Variants in MFAP3L observed in about 807,000 individuals in gnomAD.
MFAP3L encodes the protein microfibrillar-associated protein 3-like.
A neutral mutation model predicts 20.0 loss-of-function variants in MFAP3L; 5 were observed. That is an observed-to-expected ratio of 0.25 (90% CI 0.13 to 0.53). The LOEUF is 0.53. Among genes scored for constraint, MFAP3L ranks in the 20% least tolerant of loss-of-function variants. The pLI, the probability that MFAP3L is intolerant of heterozygous loss-of-function variation, is 0.96. For synonymous variants in MFAP3L, 219 were observed against 213.0 expected, an observed-to-expected ratio of 1.03 and a Z score of -0.25; for missense variants, 409 against 527.5, an observed-to-expected ratio of 0.78 and a Z score of 2.20.
At position 169,986,722 on chromosome 4, in the gene MFAP3L, A is replaced by T. The variant is rs1167356041; in HGVS notation, c.*4656T>A. Reference sequence around the variant, plus strand: ...GTAACTTGTTTACAACTTTATTTTTAAAAGTGAACATTTTACAGTTCACAG... The same window carrying T: ...GTAACTTGTTTACAACTTTATTTTTTAAAGTGAACATTTTACAGTTCACAG... On this transcript the variant is annotated 3_prime_UTR_variant, in exon 3 of 3. Coordinates refer to ENST00000361618, the MANE Select transcript of MFAP3L (RefSeq NM_021647.8). 1 of 152,222 alleles carries T rather than the reference A, an allele frequency of 6.6e-6. No homozygotes were observed. The highest frequency in any genetic ancestry group is 1.5e-5 in the Non-Finnish European group (1 of 68,024). 9.4% of individuals were successfully genotyped at this position (152,222 alleles called of 1,614,324 possible). A position where few individuals can be genotyped will look rare whatever the true frequency, so the allele number is the denominator to read the frequency against.
At chr4:170,025,662 C>A (rs778940245) in intron 1 of MFAP3L, among the ~76,000 whole-genome samples, 17 of 152,180 alleles carry the variant, frequency 1.1e-4, no homozygotes, top group Non-Finnish European at 1.9e-4. Context: ...AATTCGATGT[C>A]AACTTGTTAT....
chr4:170,017,401 C>CAA (rs559653802), intron 1 of MFAP3L, among the ~76,000 whole-genome samples: 24 of 152,266 alleles, frequency 1.6e-4, no homozygotes, highest in African/African-American at 5.8e-4. Context: ...TTATGGTTTA[C>CAA]AAAACACCCC....
At chr4:170,026,621 T>A (rs1338885075), upstream of MFAP3L, among the ~76,000 whole-genome samples, 4 of 151,882 alleles carry the variant, frequency 2.6e-5, no homozygotes, top group Non-Finnish European at 4.4e-5. Context: ...GAGTCCCGCA[T>A]TCAGTCCGCT....
intron 2 of MFAP3L, chr4:170,002,238 T>C (rs1738683867): frequency 6.1e-6 from 6 of 985,362 alleles, no homozygotes; most frequent in Non-Finnish European, 7.2e-6. Context: ...TAAAGGATGA[T>C]GTGGTGGGGC....
chr4:170,021,356 T>C (rs1326749004), intron 1 of MFAP3L, among the ~76,000 whole-genome samples: 1 of 152,196 alleles, frequency 6.6e-6, no homozygotes, highest in Non-Finnish European at 1.5e-5. Context: ...TTTTCCCTAT[T>C]AAGATTTAAG....
intron 1 of MFAP3L, among the ~76,000 whole-genome samples, chr4:170,024,137 A>C (rs1740205333): frequency 6.6e-6 from 1 of 152,210 alleles, no homozygotes; most frequent in Non-Finnish European, 1.5e-5. Context: ...CTTCATGAGC[A>C]GTAATAAAAC....
intron 1 of MFAP3L, among the ~76,000 whole-genome samples, chr4:170,019,135 T>C (rs76524947): frequency 0.011 from 1,687 of 152,350 alleles, 34 homozygotes; most frequent in African/African-American, 0.039. Context: ...GCTGTTTATC[T>C]ACCTACTTTC....
At chr4:170,002,153 C>T (rs934030140) in intron 2 of MFAP3L, 2 of 959,046 alleles carry the variant, frequency 2.1e-6, no homozygotes, top group South Asian at 4.8e-5. Flanking sequence ...AGTGAGGATG[C>T]CTTTTCCATC....
Position 169,992,250 on chromosome 4 carries a change from G to A in MFAP3L, c.358C>T (p.Arg120Ter), listed in dbSNP as rs777699021. The A allele has an allele frequency of 5.6e-6, 9 of 1,613,832 alleles. No homozygotes were observed. The highest frequency in any genetic ancestry group is 7.6e-6 in the Non-Finnish European group (9 of 1,179,982). ...LNITKVSFSD[R>*]GKYTCVASNI... Reference sequence around the variant, plus strand: ...GAAGCCACACACGTGTATTTACCTCGGTCTGAGAAGGATACCTTGGTGATG... The same window carrying A: ...GAAGCCACACACGTGTATTTACCTCAGTCTGAGAAGGATACCTTGGTGATG... The change falls in exon 3 of 3, where the codon CGA becomes TGA. Residue 120 changes from arginine (R) to a stop codon, truncating the protein, a stop_gained. Transcript: ENST00000361618. LOFTEE classifies it high-confidence loss of function. This position sits in a 1 kb window ranked among gnomAD's most constrained non-coding sequence, Gnocchi z 4.3.
At chr4:169,996,960 T>C (rs967037666) in intron 2 of MFAP3L, among the ~76,000 whole-genome samples, 1 of 152,126 alleles carries the variant, frequency 6.6e-6, no homozygotes, top group Non-Finnish European at 1.5e-5. Flanking sequence ...CCTCAAGTCT[T>C]GCTCCATTTC....
Position 170,005,938 on chromosome 4 carries a change from A to G in MFAP3L, c.-61T>C. Reference sequence around the variant, plus strand: ...GTTTGCCAACCGAATCTTCTATCAGACAACACACTGTTCACAGCAGGTCAT... The same window carrying G: ...GTTTGCCAACCGAATCTTCTATCAGGCAACACACTGTTCACAGCAGGTCAT... On this transcript the variant is annotated 5_prime_UTR_variant, in exon 2 of 3. Transcript: ENST00000361618. 1 of 1,557,734 alleles carries G rather than the reference A, an allele frequency of 6.4e-7. No homozygotes were observed. Among genetic ancestry groups the G allele is most frequent in the Non-Finnish European group, 8.7e-7 (1 of 1,150,346 alleles).
At position 170,002,290 on chromosome 4, in the gene MFAP3L, G is replaced by A. The variant is rs1738689559; in HGVS notation, c.298+3290C>T. 6 of 979,958 alleles carry A rather than the reference G, an allele frequency of 6.1e-6. No individual in the cohort carries two copies. In the South Asian group the frequency reaches 2.8e-4, roughly 46 times the overall value. 60.7% of individuals were successfully genotyped at this position (979,958 alleles called of 1,614,324 possible). ...TACCCGCTGGCCACACTCTGGTTGTGTCATACCCTCTGGTTTCACCTGGTT... is the reference window on the plus strand; with the variant it reads ...TACCCGCTGGCCACACTCTGGTTGTATCATACCCTCTGGTTTCACCTGGTT... On this transcript the variant is annotated intron_variant, in intron 2 of 2. Transcript: ENST00000361618.
intron 2 of MFAP3L, among the ~76,000 whole-genome samples, chr4:170,002,850 A>C (rs1409361432): frequency 6.6e-6 from 1 of 151,868 alleles, no homozygotes; most frequent in East Asian, 1.9e-4. Context: ...TATTTAAAAA[A>C]AAAAACAAAA....
intron 2 of MFAP3L, chr4:169,994,899 G>A (rs1173999738): frequency 1.3e-5 from 2 of 152,178 alleles, no homozygotes; most frequent in African/African-American, 4.8e-5. Flanking sequence ...TCTGTGAAGT[G>A]ACTATATTAA....
rs72972951 is a variant in MFAP3L at position 170,004,737 on chromosome 4, C to A, written c.298+843G>T. Among the ~76,000 whole-genome samples, 607 of 152,286 alleles carry A rather than the reference C, an allele frequency of 4.0e-3. 8 individuals carry two copies. The highest frequency in any genetic ancestry group is 0.013 in the African/African-American group (537 of 41,554). ...GCTCATTGGTTAAAGAATTGTGGAA[C>A]AGGAGGGCAATGTGAATGGAAGAAA... On this transcript the variant is annotated intron_variant, in intron 2 of 2. Coordinates refer to ENST00000361618, the MANE Select transcript of MFAP3L (RefSeq NM_021647.8).
rs890758937 is a variant in MFAP3L, at chr4:169,988,379, T to A, written c.*2999A>T. 4 of 152,306 alleles carry A rather than the reference T, an allele frequency of 2.6e-5. No individual in the cohort carries two copies. Among genetic ancestry groups the A allele is most frequent in the South Asian group, 2.1e-4 (1 of 4,818 alleles). The allele number at this position is 152,306 out of a possible 1,614,324, so 9.4% of individuals were successfully genotyped here. A position where few individuals can be genotyped will look rare whatever the true frequency, so the allele number is the denominator to read the frequency against. Reference sequence around the variant, plus strand: ...AAATGTACACACATATGTGAATCATTTTCAGAATTTCAAGAAAAACATTGC... The same window carrying A: ...AAATGTACACACATATGTGAATCATATTCAGAATTTCAAGAAAAACATTGC... On this transcript the variant is annotated 3_prime_UTR_variant, in exon 3 of 3. Transcript: ENST00000361618.
At chr4:170,003,754 G>A (rs961383287) in intron 2 of MFAP3L, 11 of 985,294 alleles carry the variant, frequency 1.1e-5, no homozygotes, top group East Asian at 1.1e-4. Flanking sequence ...GTTCCCTAGC[G>A]ATAGCTCAGC....
intron 1 of MFAP3L, among the ~76,000 whole-genome samples, chr4:170,007,143 TA>T (rs1739090112): frequency 6.6e-6 from 1 of 152,206 alleles, no homozygotes; most frequent in African/African-American, 2.4e-5. Context: ...CTTCAGATCA[TA>T]TTTTTTTTCA....
Position 169,987,040 on chromosome 4 carries a change from C to T in MFAP3L, c.*4338G>A, listed in dbSNP as rs1402997547. ...GTATCAGCCTCTTTATAAATTCTATCTCTAAAAAATCTGTTAAAGATCATT... is the reference window on the plus strand; with the variant it reads ...GTATCAGCCTCTTTATAAATTCTATTTCTAAAAAATCTGTTAAAGATCATT... On this transcript the variant is annotated 3_prime_UTR_variant, in exon 3 of 3. Coordinates refer to ENST00000361618, the MANE Select transcript of MFAP3L (RefSeq NM_021647.8). 2 of 152,122 alleles carry T rather than the reference C, an allele frequency of 1.3e-5. No individual in the cohort carries two copies. Among genetic ancestry groups the T allele is most frequent in the Non-Finnish European group, 2.9e-5 (2 of 68,006 alleles). 9.4% of individuals were successfully genotyped at this position (152,122 alleles called of 1,614,324 possible).
Sources: allele counts gnomAD v4.1 joint callset (sites outside exome capture counted in the v4.1 genomes callset), GRCh38; gene constraint gnomAD v4.1.1; non-coding constraint Gnocchi (gnomAD v3.1); transcripts MANE v1.5; gene names NCBI Gene and HGNC (gene_info 2026-07-23, HGNC 2026-07-21).